Variants in PRKG1 observed in about 807,000 individuals in gnomAD.
PRKG1 encodes protein kinase cGMP-dependent 1.
Under a neutral mutation model 88.1 loss-of-function variants are expected in PRKG1, and 35 were observed. That is an observed-to-expected ratio of 0.40 (90% CI 0.30 to 0.53). The LOEUF (loss-of-function observed/expected upper bound fraction) is 0.53, where lower values mean the gene tolerates loss of function less well. Among genes scored for constraint, PRKG1 ranks in the 20% least tolerant of loss-of-function variants. The pLI is 0.59. For synonymous variants in PRKG1, 303 were observed against 292.5 expected, an observed-to-expected ratio of 1.04 and a Z score of -0.37; for missense variants, 540 against 839.8, an observed-to-expected ratio of 0.64 and a Z score of 4.41.
intron 2 of PRKG1, among the ~76,000 whole-genome samples, chr10:51,400,864 T>A (rs1392357044): frequency 3.3e-5 from 5 of 152,186 alleles, no homozygotes; most frequent in Non-Finnish European, 2.9e-5. Flanking sequence ...GGAATGGGAA[T>A]AAATTTCAGT....
intron 5 of PRKG1, among the ~76,000 whole-genome samples, chr10:52,035,413 A>G (rs1845581829): frequency 6.6e-6 from 1 of 152,154 alleles, no homozygotes; most frequent in Admixed American, 6.5e-5. Flanking sequence ...TCCACGATGG[A>G]AAGGAAATGA....
chr10:52,280,065 C>G (rs1841968730), intron 12 of PRKG1, among the ~76,000 whole-genome samples: 1 of 152,100 alleles, frequency 6.6e-6, no homozygotes, highest in African/African-American at 2.4e-5. Flanking sequence ...AGAGAGCCTT[C>G]TTGCTAAACA....
chr10:51,822,213 A>G (rs1481582698), intron 4 of PRKG1, among the ~76,000 whole-genome samples: 1 of 152,052 alleles, frequency 6.6e-6, no homozygotes, highest in Non-Finnish European at 1.5e-5. Context: ...ATATGTGTGT[A>G]TACACACACA....
chr10:52,108,006 C>A (rs1172215454), intron 7 of PRKG1, among the ~76,000 whole-genome samples: 2 of 152,096 alleles, frequency 1.3e-5, no homozygotes, highest in East Asian at 3.8e-4. Context: ...TAGAATCTTT[C>A]CATTTATTTT....
intron 3 of PRKG1, among the ~76,000 whole-genome samples, chr10:51,723,384 A>T (rs564451615): frequency 1.3e-5 from 2 of 152,300 alleles, no homozygotes; most frequent in Admixed American, 1.3e-4. Context: ...AGAAAACCAA[A>T]CACCACATGT....
chr10:51,233,069 T>A (rs781199614), intron 2 of PRKG1, among the ~76,000 whole-genome samples: 1 of 152,126 alleles, frequency 6.6e-6, no homozygotes, highest in Non-Finnish European at 1.5e-5. Flanking sequence ...GCTGAGAATA[T>A]GCAAGATACA....
chr10:51,742,898 G>T (rs978786342), intron 3 of PRKG1, among the ~76,000 whole-genome samples: 3 of 152,050 alleles, frequency 2.0e-5, no homozygotes, highest in Non-Finnish European at 4.4e-5. Flanking sequence ...GGGGCAAGGG[G>T]AGAGAGAGCA....
chr10:52,253,185 A>G (rs1202615314), intron 10 of PRKG1, among the ~76,000 whole-genome samples: 2 of 151,972 alleles, frequency 1.3e-5, no homozygotes, highest in African/African-American at 4.8e-5. Context: ...GTCCTTAAAT[A>G]TTATTTTTTA....
At chr10:51,429,114 A>C (rs2132721967) in intron 2 of PRKG1, among the ~76,000 whole-genome samples, 1 of 152,320 alleles carries the variant, frequency 6.6e-6, no homozygotes, top group African/African-American at 2.4e-5. Flanking sequence ...TAACTGACAC[A>C]CAGATCCATT....
At chr10:52,232,479 G>T (rs1380127469) in intron 9 of PRKG1, among the ~76,000 whole-genome samples, 1 of 152,052 alleles carries the variant, frequency 6.6e-6, no homozygotes, top group Non-Finnish European at 1.5e-5. Context: ...GTATCTTTGT[G>T]CAAATAGTAT....
Position 52,062,612 on chromosome 10 carries a change from G to A in PRKG1, c.916G>A (p.Gly306Arg). Reference sequence around the variant, plus strand: ...AACTTTAGGAAAAGGAGACTGGTTTGGAGAGAAAGCCTTGCAGGGGTAAGT... The same window carrying A: ...AACTTTAGGAAAAGGAGACTGGTTTAGAGAGAAAGCCTTGCAGGGGTAAGT... ...LRTLGKGDWF[G>R]EKALQGEDVR... The change falls in exon 7 of 18, where the codon GGA (glycine) becomes AGA (arginine). Residue 306 changes from glycine to arginine, a missense_variant. Physicochemically the swap from Gly to Arg is moderately radical, Grantham distance 125 (BLOSUM62 -2). Coordinates refer to ENST00000373980, the MANE Select transcript of PRKG1 (RefSeq NM_006258.4). The A allele has an allele frequency of 6.2e-7, 1 of 1,607,864 alleles. No homozygotes were observed.
Position 51,419,804 on chromosome 10 carries a change from A to ATT in PRKG1, c.479-47904_479-47903dup, listed in dbSNP as rs1415273874. Among the ~76,000 whole-genome samples, 578 of 142,242 alleles carry ATT rather than the reference A, an allele frequency of 4.1e-3. 3 individuals are homozygous for ATT. Among genetic ancestry groups the ATT allele is most frequent in the African/African-American group, 0.014 (525 of 38,846 alleles). 93.3% of individuals were successfully genotyped at this position (142,242 alleles called of 152,430 possible). On this transcript the variant is annotated intron_variant, in intron 2 of 17. Transcript: ENST00000373980. ...TTCTTGTTCAGAGAGAGAGCCAATA[A>ATT]TTTTTTTTTTTTTTTTGGTGAGCTA...
At chr10:52,084,748 T>C (rs1211245359) in intron 7 of PRKG1, among the ~76,000 whole-genome samples, 1 of 152,072 alleles carries the variant, frequency 6.6e-6, no homozygotes. Flanking sequence ...TATAATAGTT[T>C]ATCTAGTTAA....
chr10:51,092,851 T>A (rs957868173), intron 1 of PRKG1, among the ~76,000 whole-genome samples: 1 of 152,252 alleles, frequency 6.6e-6, no homozygotes, highest in Middle Eastern at 3.4e-3. Context: ...TATATTTAAA[T>A]AAGTAATAGT....
chr10:51,772,964 A>G (rs1180503257), intron 3 of PRKG1, among the ~76,000 whole-genome samples: 1 of 152,090 alleles, frequency 6.6e-6, no homozygotes, highest in Non-Finnish European at 1.5e-5. Flanking sequence ...CTCAGATAGC[A>G]ATGTTAATTG....
chr10:52,110,535 A>T (rs1847538559), intron 7 of PRKG1, among the ~76,000 whole-genome samples: 1 of 152,094 alleles, frequency 6.6e-6, no homozygotes, highest in South Asian at 2.1e-4. Flanking sequence ...TCAATTGAGA[A>T]ATTGAGGCAT....
In PRKG1 at chr10:51,975,747, T is replaced by C. The variant is rs933923360; in HGVS notation, c.762+68177T>C. Among the ~76,000 whole-genome samples the C allele has an allele frequency of 4.6e-5, 7 of 152,198 alleles. No individual in the cohort carries two copies. The South Asian group carries it at 1.5e-3, about 32-fold the overall frequency. On this transcript the variant is annotated intron_variant, in intron 5 of 17. Transcript: ENST00000373980. The stretch of plus-strand genomic sequence containing the variant: ...ATCTTTGTGACTTTGGGTCAGGCAG[T>C]GGTTTTTAGATATGACACTAAAACT...
At chr10:51,621,857 G>A (rs1246538314) in intron 3 of PRKG1, among the ~76,000 whole-genome samples, 1 of 152,082 alleles carries the variant, frequency 6.6e-6, no homozygotes, top group African/African-American at 2.4e-5. Context: ...TTCTCCTTTT[G>A]CAGTATTTTA....
chr10:51,836,760 T>C (rs1458032296), intron 4 of PRKG1, among the ~76,000 whole-genome samples: 2 of 152,184 alleles, frequency 1.3e-5, no homozygotes, highest in Non-Finnish European at 2.9e-5. Flanking sequence ...TGAATAGATA[T>C]TTATCAAAAG....
Sources: allele counts gnomAD v4.1 joint callset (sites outside exome capture counted in the v4.1 genomes callset), GRCh38; gene constraint gnomAD v4.1.1; transcripts MANE v1.5; gene names NCBI Gene and HGNC (gene_info 2026-07-23, HGNC 2026-07-21).